TEX11: variants seen among roughly 807,000 people sequenced by gnomAD.
TEX11 encodes the protein testis expressed 11.
Under a neutral mutation model 84.4 loss-of-function variants are expected in TEX11, and 7 were observed. That is an observed-to-expected ratio of 0.08 (90% CI 0.05 to 0.16). The LOEUF is 0.16. TEX11 is among the 10% of genes least tolerant of loss of function. The pLI is 1.00. For missense variants in TEX11, 551 were observed against 660.5 expected (o/e 0.83, Z 1.82); for synonymous variants, 264 against 222.8 (o/e 1.18, Z -1.64).
At chrX:70,908,398 G>A (rs905481229) in intron 1 of TEX11, among the ~76,000 whole-genome samples, 1 of 109,760 alleles carries the variant, frequency 9.1e-6, no homozygotes, top group African/African-American at 3.3e-5. Flanking sequence ...CTAAACTACA[G>A]TAACTACTAT....
intron 16 of TEX11, among the ~76,000 whole-genome samples, chrX:70,666,692 G>A (rs925323148): frequency 8.1e-5 from 9 of 111,429 alleles, no homozygotes; most frequent in African/African-American, 2.9e-4. Context: ...ATACCAACAC[G>A]AAACAGACTA....
At chrX:70,868,716 T>C (rs891552175) in intron 4 of TEX11, among the ~76,000 whole-genome samples, 1 of 111,315 alleles carries the variant, frequency 9.0e-6, no homozygotes, top group African/African-American at 3.3e-5. Flanking sequence ...AATGAGTGCA[T>C]GTCCTTTGCG....
chrX:70,843,422 T>C (rs1191246235), intron 7 of TEX11, among the ~76,000 whole-genome samples: 8 of 112,055 alleles, frequency 7.1e-5, no homozygotes, highest in Non-Finnish European at 1.3e-4. Flanking sequence ...AAGCTGAAGC[T>C]GGATCCCTTC....
chrX:70,630,313 G>GAAA (rs367757066), intron 17 of TEX11, among the ~76,000 whole-genome samples: 2 of 60,136 alleles, frequency 3.3e-5, no homozygotes, highest in African/African-American at 6.0e-5. Context: ...CTCTGTCTCA[G>GAAA]AAAAAAAAAA....
At chrX:70,836,789 G>C (rs1244034355) in intron 7 of TEX11, among the ~76,000 whole-genome samples, 2 of 112,021 alleles carry the variant, frequency 1.8e-5, no homozygotes, top group East Asian at 5.6e-4. Context: ...GGCCTAGGTG[G>C]GTGGATCACC....
At chrX:70,571,009 GTGTTGTTGT>G (rs141569205) in intron 25 of TEX11, among the ~76,000 whole-genome samples, 3 of 109,612 alleles carry the variant, frequency 2.7e-5, no homozygotes, top group Non-Finnish European at 3.8e-5. Context: ...TTGATTTTCT[GTGTTGTTGT>G]TGTTGTTGTT....
chrX:70,592,728 T>C (rs889880546), intron 24 of TEX11, among the ~76,000 whole-genome samples: 5 of 111,218 alleles, frequency 4.5e-5, no homozygotes, highest in African/African-American at 1.6e-4. Flanking sequence ...TGGGCCACTG[T>C]CCCTGCCCCT....
the TEX11 span, among the ~76,000 whole-genome samples, chrX:70,518,964 G>C: frequency 2.7e-5 from 3 of 111,320 alleles, no homozygotes; most frequent in Admixed American, 2.9e-4. Flanking sequence ...CCATTTTCTT[G>C]GTAGATCTTC....
intron 13 of TEX11, among the ~76,000 whole-genome samples, chrX:70,692,858 T>C (rs1405044928): frequency 1.8e-5 from 2 of 111,433 alleles, no homozygotes; most frequent in South Asian, 7.6e-4. Flanking sequence ...TCCTGGATCA[T>C]ATGGTAGTTC....
chrX:70,614,291 C>T (rs1378824700), intron 20 of TEX11, among the ~76,000 whole-genome samples: 2 of 111,177 alleles, frequency 1.8e-5, no homozygotes, highest in African/African-American at 6.6e-5. Context: ...TCTGGACCTG[C>T]CTTGGGCCAG....
chrX:70,547,627 T>C (rs1410238185), intron 28 of TEX11, among the ~76,000 whole-genome samples: 1 of 111,938 alleles, frequency 8.9e-6, no homozygotes. Context: ...CAGACACTTC[T>C]CAAAAGAAGA....
At chrX:70,857,689 G>A (rs2091544485) in intron 5 of TEX11, among the ~76,000 whole-genome samples, 1 of 112,072 alleles carries the variant, frequency 8.9e-6, no homozygotes, top group African/African-American at 3.2e-5. Context: ...GTGCCTGATG[G>A]CAAAAGTGAA....
At chrX:70,799,013 T>C (rs1184153138) in intron 9 of TEX11, among the ~76,000 whole-genome samples, 2 of 111,490 alleles carry the variant, frequency 1.8e-5, no homozygotes, top group Admixed American at 9.6e-5. Flanking sequence ...CTAAATACCA[T>C]GTACAACTGC....
At chrX:70,655,554 A>T (rs745750594) in intron 16 of TEX11, among the ~76,000 whole-genome samples, 1 of 111,854 alleles carries the variant, frequency 8.9e-6, no homozygotes, top group Non-Finnish European at 1.9e-5. Context: ...CTCCATCGTA[A>T]GTCAAGGAAC....
At chrX:70,551,968 G>C (rs1174742093) in intron 28 of TEX11, among the ~76,000 whole-genome samples, 158 bp downstream of exon 28, 2 of 111,595 alleles carry the variant, frequency 1.8e-5, no homozygotes, top group Non-Finnish European at 3.8e-5. Flanking sequence ...TTATATTTCA[G>C]AAACCCAGGA....
At chrX:70,723,693 A>G (rs988986406) in intron 12 of TEX11, among the ~76,000 whole-genome samples, 2 of 111,804 alleles carry the variant, frequency 1.8e-5, no homozygotes, top group African/African-American at 6.5e-5. Context: ...TGGTAGGACC[A>G]TGAGAATTTT....
intron 7 of TEX11, among the ~76,000 whole-genome samples, chrX:70,846,978 C>T (rs1456068592): frequency 9.0e-6 from 1 of 111,432 alleles, no homozygotes; most frequent in African/African-American, 3.3e-5. Context: ...AGGTAAGGCC[C>T]AGTGGGAGGT....
At chrX:70,791,931 G>C (rs1180561908) in intron 9 of TEX11, among the ~76,000 whole-genome samples, 2 of 109,653 alleles carry the variant, frequency 1.8e-5, no homozygotes, top group Admixed American at 2.0e-4. Flanking sequence ...TTGAAGACCA[G>C]CCTGACCAAC....
In TEX11 at chrX:70,678,548, TTCTTATA is replaced by T. The variant is rs749342980; in HGVS notation, c.1242+249_1242+255del. Among the ~76,000 whole-genome samples the T allele has an allele frequency of 1.2e-4, 13 of 110,354 alleles. No individual in the cohort carries two copies. The South Asian group carries it at 4.7e-3, about 40-fold the overall frequency. ...CAGCCCTCATGTTAAAAAAATTACA[TTCTTATA>T]TCTTAATATCAGCGATGACATTTCC... On this transcript the variant is annotated intron_variant, in intron 15 of 29. Transcript: ENST00000374333.
Sources: gnomAD v4.1 joint callset for allele counts (sites outside exome capture counted in the v4.1 genomes callset) on GRCh38, gnomAD v4.1.1 for gene constraint, MANE v1.5 for transcripts, NCBI Gene and HGNC (gene_info 2026-07-23, HGNC 2026-07-21) for gene names.